Variants in DIP2C observed in about 807,000 individuals in gnomAD.
The protein encoded by DIP2C is DIP2 acetate--CoA ligase C (putative).
In DIP2C, 33 loss-of-function variants were observed where a neutral mutation model predicts 192.4. That is an observed-to-expected ratio of 0.17 (90% CI 0.13 to 0.23). The LOEUF is 0.23. Among genes scored for constraint, DIP2C ranks in the 10% least tolerant of loss-of-function variants. DIP2C has a pLI of 1.00. For missense variants in DIP2C, 1,537 were observed against 2,110.1 expected (o/e 0.73, Z 5.32); for synonymous variants, 979 against 864.1 (o/e 1.13, Z -2.33).
intron 3 of DIP2C, among the ~76,000 whole-genome samples, chr10:450,561 T>C (rs1968769780): frequency 6.6e-6 from 1 of 152,208 alleles, no homozygotes; most frequent in South Asian, 2.1e-4. Flanking sequence ...AGAATTCTTC[T>C]GAAAGGCCAC....
At chr10:395,551 AT>A (rs1963921252) in intron 10 of DIP2C, among the ~76,000 whole-genome samples, 1 of 152,152 alleles carries the variant, frequency 6.6e-6, no homozygotes, top group Non-Finnish European at 1.5e-5. Context: ...CTAGCATTCT[AT>A]CCCATGACCA....
At chr10:572,190 G>A (rs533647978) in intron 1 of DIP2C, among the ~76,000 whole-genome samples, 19 of 152,360 alleles carry the variant, frequency 1.2e-4, no homozygotes, top group Non-Finnish European at 2.2e-4. Context: ...CCACACGCCA[G>A]TGTTCTAAGG....
At chr10:364,858 A>C (rs1959998490) in intron 19 of DIP2C, 1 of 633,010 alleles carries the variant, frequency 1.6e-6, no homozygotes, top group African/African-American at 1.8e-5. Flanking sequence ...GATAACACCC[A>C]GAAGTCTCAC....
chr10:350,432 A>G (rs982503780), intron 24 of DIP2C, among the ~76,000 whole-genome samples: 1 of 152,134 alleles, frequency 6.6e-6, no homozygotes, highest in Non-Finnish European at 1.5e-5. Context: ...CACACTTTAC[A>G]GTCCTAGTTC....
At chr10:408,363 G>C (rs919665613) in intron 9 of DIP2C, among the ~76,000 whole-genome samples, 1 of 152,028 alleles carries the variant, frequency 6.6e-6, no homozygotes, top group Non-Finnish European at 1.5e-5. Flanking sequence ...TAAATTTTAC[G>C]ATCAGGAAAT....
intron 1 of DIP2C, among the ~76,000 whole-genome samples, chr10:572,678 TCTC>T: frequency 6.6e-6 from 1 of 152,262 alleles, no homozygotes; most frequent in Non-Finnish European, 1.5e-5. Context: ...GGACAAAACT[TCTC>T]CATAATAGAC....
intron 24 of DIP2C, among the ~76,000 whole-genome samples, chr10:356,047 T>C (rs541184475): frequency 2.0e-5 from 3 of 152,292 alleles, no homozygotes; most frequent in Admixed American, 1.3e-4. Flanking sequence ...GCCACTGAAC[T>C]CTAGCCTGGG....
At position 422,801 on chromosome 10, in the gene DIP2C, A is replaced by G. The variant is rs780124644; in HGVS notation, c.604+23T>C. On this transcript the variant is annotated intron_variant, in intron 5 of 36. Transcript: ENST00000280886. ...AAGGCGTTTACACAACAGGCACAGA[A>G]AGACACCGTGAAGCGTGCTCACCTA... 3 of 1,602,754 alleles carry G rather than the reference A, an allele frequency of 1.9e-6. No homozygotes were observed. The Admixed American group carries it at 5.1e-5, about 27-fold the overall frequency.
intron 32 of DIP2C, among the ~76,000 whole-genome samples, chr10:297,004 T>C (rs762267662): frequency 4.6e-5 from 7 of 151,816 alleles, no homozygotes; most frequent in Non-Finnish European, 7.4e-5. Context: ...AACCTGCACG[T>C]TGTGCACATG....
intron 1 of DIP2C, among the ~76,000 whole-genome samples, chr10:640,706 G>A (rs1382116529): frequency 7.8e-6 from 1 of 127,628 alleles, no homozygotes; most frequent in Non-Finnish European, 1.6e-5. Context: ...GCTGCGCGCG[G>A]GGAAGAGGCT....
intron 31 of DIP2C, chr10:324,747 C>T (rs539285929): frequency 5.1e-5 from 18 of 349,522 alleles, no homozygotes; most frequent in Middle Eastern, 3.9e-4. Flanking sequence ...AACACTCCCA[C>T]GGCGCACATT....
At chr10:347,371 C>T (rs1252048175) in intron 26 of DIP2C, among the ~76,000 whole-genome samples, 3 of 136,194 alleles carry the variant, frequency 2.2e-5, no homozygotes, top group African/African-American at 2.9e-5. Flanking sequence ...AGACACATCG[C>T]GCATAGTTCT....
chr10:558,248 G>A (rs1002695403), intron 1 of DIP2C, among the ~76,000 whole-genome samples: 1 of 152,130 alleles, frequency 6.6e-6, no homozygotes, highest in East Asian at 1.9e-4. Context: ...CTTTGCTAGA[G>A]AAAGAAACAG....
At position 467,454 on chromosome 10, in the gene DIP2C, C is replaced by T. The variant is rs539142609; in HGVS notation, c.268+4985G>A. ...CTAGATGACGAGTTAGTGGGTGCAGCGCACCAGCATGGCATATGTATACAT... is the reference window on the plus strand; with the variant it reads ...CTAGATGACGAGTTAGTGGGTGCAGTGCACCAGCATGGCATATGTATACAT... On this transcript the variant is annotated intron_variant, in intron 3 of 36. Coordinates refer to ENST00000280886, the MANE Select transcript of DIP2C (RefSeq NM_014974.3). Among the ~76,000 whole-genome samples the T allele has an allele frequency of 2.9e-3, 436 of 148,118 alleles. 2 individuals are homozygous for T. Among genetic ancestry groups the T allele is most frequent in the East Asian group, 4.8e-3 (24 of 4,950 alleles).
intron 1 of DIP2C, among the ~76,000 whole-genome samples, chr10:487,495 A>G (rs550383470): frequency 6.6e-6 from 1 of 151,160 alleles, no homozygotes; most frequent in South Asian, 2.1e-4. Flanking sequence ...CCCCCACGGA[A>G]CACAAGGCTG....
chr10:355,676 T>G (rs1427136588), intron 24 of DIP2C, among the ~76,000 whole-genome samples: 1 of 152,238 alleles, frequency 6.6e-6, no homozygotes, highest in Non-Finnish European at 1.5e-5. Flanking sequence ...GAACAATATT[T>G]GATGAGTGTA....
At chr10:295,547 C>T (rs148737015) in intron 32 of DIP2C, among the ~76,000 whole-genome samples, 1,705 of 84,782 alleles carry the variant, frequency 0.02, 38 homozygotes, top group South Asian at 0.03. Context: ...GGCGAAAGAA[C>T]GAGACTCCAT....
chr10:602,738 A>C (rs1852175208), intron 1 of DIP2C, among the ~76,000 whole-genome samples: 1 of 152,194 alleles, frequency 6.6e-6, no homozygotes, highest in Admixed American at 6.5e-5. Flanking sequence ...GTGAGCCACC[A>C]CCATAAAGCA....
At chr10:377,626 A>G (rs1252513020) in intron 17 of DIP2C, among the ~76,000 whole-genome samples, 1 of 152,206 alleles carries the variant, frequency 6.6e-6, no homozygotes, top group African/African-American at 2.4e-5. Flanking sequence ...AGCAGTGGGA[A>G]GTGCTCACTT....
Sources: allele counts gnomAD v4.1 joint callset (sites outside exome capture counted in the v4.1 genomes callset), GRCh38; gene constraint gnomAD v4.1.1; transcripts MANE v1.5; gene names NCBI Gene and HGNC (gene_info 2026-07-23, HGNC 2026-07-21).